The following ZNF618 variants were observed in gnomAD, a reference collection of about 807,000 sequenced individuals.
ZNF618 encodes the protein zinc finger protein 618, also known as neural precursor cell expressed, developmentally down-regulated 10.
A neutral mutation model predicts 103.0 loss-of-function variants in ZNF618; 34 were observed. The observed-to-expected ratio is 0.33, with a 90% CI of 0.25 to 0.44. The LOEUF (loss-of-function observed/expected upper bound fraction) is 0.44. Ranked by LOEUF, ZNF618 falls within the 20% of genes least tolerant of loss-of-function variation. The pLI is 1.00. For missense variants in ZNF618, 1,059 were observed against 1,295.4 expected, an observed-to-expected ratio of 0.82 and a Z score of 2.80; for synonymous variants, 551 against 542.2, an observed-to-expected ratio of 1.02 and a Z score of -0.23.
chr9:113,926,722 T>A (rs1044187237), intron 1 of ZNF618, among the ~76,000 whole-genome samples: 3 of 152,222 alleles, frequency 2.0e-5, no homozygotes, highest in Non-Finnish European at 4.4e-5. Flanking sequence ...ACTGGTATTT[T>A]AAATTCCCAA....
At chr9:113,894,579 G>GT (rs796573417) in intron 1 of ZNF618, among the ~76,000 whole-genome samples, 16 of 152,254 alleles carry the variant, frequency 1.1e-4, no homozygotes, top group African/African-American at 3.9e-4. Flanking sequence ...ACAATATTAT[G>GT]TTTTTTCCAC....
chr9:113,962,377 C>A (rs1371095803), intron 1 of ZNF618, among the ~76,000 whole-genome samples: 3 of 152,148 alleles, frequency 2.0e-5, no homozygotes, highest in Non-Finnish European at 2.9e-5. Context: ...CCTTCTGTTT[C>A]CCCCCTGGCC....
Position 113,957,703 on chromosome 9 carries a change from G to A in ZNF618, c.34-11414G>A, listed in dbSNP as rs527519475. 2.6e-5 allele frequency among the ~76,000 whole-genome samples: 4 copies of A among 152,156 alleles called. No homozygotes were observed. In the East Asian group the frequency reaches 5.8e-4, roughly 22 times the overall value. ...TGCCATACATAGAAATACCTAAGGG[G>A]GTGACTTAAAGCCTTGTCCCTGAAT... On this transcript the variant is annotated intron_variant, in intron 1 of 14. Coordinates refer to ENST00000374126, the MANE Select transcript of ZNF618 (RefSeq NM_001318042.2).
chr9:114,021,095 A>G lies in ZNF618; in HGVS notation c.844+4311A>G, dbSNP rs181717215. On this transcript the variant is annotated intron_variant, in intron 10 of 14. Coordinates refer to ENST00000374126, the MANE Select transcript of ZNF618 (RefSeq NM_001318042.2). ...CTGGTGAATTACATAGACTTAAAAA[A>G]AATTCACCATTCCTATACTTTATTA... 3.1e-4 allele frequency among the ~76,000 whole-genome samples: 47 copies of G among 152,244 alleles called. 1 individual carries two copies. In the East Asian group the frequency reaches 8.7e-3, roughly 28 times the overall value.
At chr9:114,008,648 G>A (rs1841974712) in intron 9 of ZNF618, 94 bp downstream of exon 9, 1 of 1,443,646 alleles carries the variant, frequency 6.9e-7, no homozygotes, top group Middle Eastern at 1.8e-4. Flanking sequence ...GTAGCAGTGG[G>A]TGGCATCACT....
At chr9:113,998,924 C>G (rs1158234429) in intron 4 of ZNF618, among the ~76,000 whole-genome samples, 2 of 152,242 alleles carry the variant, frequency 1.3e-5, no homozygotes, top group African/African-American at 4.8e-5. Flanking sequence ...GGACCAGGCC[C>G]TGTGCTAAGG....
chr9:113,896,641 T>G (rs1483392566), intron 1 of ZNF618, among the ~76,000 whole-genome samples: 2 of 152,042 alleles, frequency 1.3e-5, no homozygotes, highest in Admixed American at 6.5e-5. Flanking sequence ...ATTGTATTTT[T>G]CAGATTCCCC....
In ZNF618 at chr9:113,997,031, G is replaced by A. The variant is rs145501146; in HGVS notation, c.338-1228G>A. ...CTGGGAAGATGGTGGACGGAAATGA[G>A]ACCTGGTAAAGGTTCTCTCTCTCTC... On this transcript the variant is annotated intron_variant, in intron 3 of 14. Transcript: ENST00000374126. 2.2e-4 allele frequency among the ~76,000 whole-genome samples: 33 copies of A among 151,666 alleles called. No individual in the cohort carries two copies. The South Asian group carries it at 5.2e-3, about 24-fold the overall frequency.
chr9:113,951,436 T>C, intron 1 of ZNF618, among the ~76,000 whole-genome samples: 2 of 76,616 alleles, frequency 2.6e-5, no homozygotes, highest in African/African-American at 5.6e-5. Flanking sequence ...TGTGTGTATA[T>C]ATATACATAT....
At chr9:113,949,854 C>T (rs1835385004) in intron 1 of ZNF618, among the ~76,000 whole-genome samples, 1 of 152,242 alleles carries the variant, frequency 6.6e-6, no homozygotes, top group South Asian at 2.1e-4. Context: ...AGCGAAGTCG[C>T]GCCACCTGGT....
At chr9:113,934,500 C>T (rs1035485209) in intron 1 of ZNF618, among the ~76,000 whole-genome samples, 3 of 152,176 alleles carry the variant, frequency 2.0e-5, no homozygotes, top group African/African-American at 4.8e-5. Flanking sequence ...AGCCCGTGTT[C>T]GGTTTATGGA....
chr9:113,934,392 G>C (rs1833860341), intron 1 of ZNF618, among the ~76,000 whole-genome samples: 1 of 152,134 alleles, frequency 6.6e-6, no homozygotes, highest in African/African-American at 2.4e-5. Flanking sequence ...ATCTTGGGCA[G>C]GTGACTCTTC....
At chr9:113,986,936 G>A (rs1839543576) in intron 2 of ZNF618, among the ~76,000 whole-genome samples, 1 of 152,192 alleles carries the variant, frequency 6.6e-6, no homozygotes, top group Non-Finnish European at 1.5e-5. Context: ...CTTGCCCAAG[G>A]CCACACAGCA....
chr9:113,896,473 T>G (rs1022584492), intron 1 of ZNF618, among the ~76,000 whole-genome samples: 1 of 152,086 alleles, frequency 6.6e-6, no homozygotes, highest in Admixed American at 6.5e-5. Context: ...TAGTTTTTGC[T>G]TTTTGTAATT....
At chr9:114,045,062 C>T (rs1303963547) in intron 13 of ZNF618, among the ~76,000 whole-genome samples, 2 of 151,568 alleles carry the variant, frequency 1.3e-5, no homozygotes, top group African/African-American at 4.8e-5. Flanking sequence ...TTTTTTGGAT[C>T]CTTTTATGAT....
chr9:113,951,419 A>G (rs1050606964), intron 1 of ZNF618, among the ~76,000 whole-genome samples: 2 of 60,472 alleles, frequency 3.3e-5, no homozygotes, highest in Non-Finnish European at 6.5e-5. Context: ...ATACACACAT[A>G]TATGTGTGTG....
rs1436583703 is a variant in ZNF618, at chr9:114,051,709, T to C, written c.*1542T>C. On this transcript the variant is annotated 3_prime_UTR_variant, in exon 15 of 15. Transcript: ENST00000374126. ...AGTTGATGTTCCGAGGGTGGGATGG[T>C]GTTTGGCCATGTTCGACTCGATGCT... The C allele has an allele frequency of 6.6e-6, 1 of 152,330 alleles. No individual in the cohort carries two copies. Among genetic ancestry groups the C allele is most frequent in the African/African-American group, 2.4e-5 (1 of 41,408 alleles). 9.4% of individuals were successfully genotyped at this position (152,330 alleles called of 1,614,324 possible). A position where few individuals can be genotyped will look rare whatever the true frequency, so the allele number is the denominator to read the frequency against.
chr9:113,880,077 A>T (rs1475112268), intron 1 of ZNF618, among the ~76,000 whole-genome samples: 2 of 151,770 alleles, frequency 1.3e-5, no homozygotes, highest in African/African-American at 2.4e-5. Flanking sequence ...CTCACTTTTG[A>T]CTCAGCTCTT....
intron 1 of ZNF618, among the ~76,000 whole-genome samples, chr9:113,883,789 C>T (rs141078279): frequency 6.6e-5 from 10 of 152,162 alleles, no homozygotes; most frequent in African/African-American, 2.4e-4. Context: ...AATCAGGATG[C>T]CCCTTACAGT....
Sources: gnomAD v4.1 joint callset for allele counts (sites outside exome capture counted in the v4.1 genomes callset) on GRCh38, gnomAD v4.1.1 for gene constraint, MANE v1.5 for transcripts, NCBI Gene and HGNC (gene_info 2026-07-23, HGNC 2026-07-21) for gene names.